Variants in FAM229B observed in about 807,000 individuals in gnomAD.
The protein encoded by FAM229B is protein FAM229B.
FAM229B carries 2 observed loss-of-function variants against 6.7 expected under a neutral mutation model. That is an observed-to-expected ratio of 0.30 (90% CI 0.12 to 0.94). The LOEUF is 0.94. Ranked by LOEUF, FAM229B falls within the 40% of genes least tolerant of loss-of-function variation. FAM229B has a pLI of 0.54. For missense variants in FAM229B, 93 were observed against 96.2 expected (o/e 0.97, Z 0.14); for synonymous variants, 29 against 34.0 (o/e 0.85, Z 0.51).
intron 1 of FAM229B, among the ~76,000 whole-genome samples, chr6:112,091,109 C>T (rs1255118698): frequency 6.6e-6 from 1 of 152,106 alleles, no homozygotes; most frequent in Non-Finnish European, 1.5e-5. Context: ...GAGTGTTTCT[C>T]TTTCTGTGGC....
chr6:112,089,121 T>C (rs1777222405), intron 1 of FAM229B, among the ~76,000 whole-genome samples: 1 of 152,156 alleles, frequency 6.6e-6, no homozygotes, highest in African/African-American at 2.4e-5. Flanking sequence ...AAGAGAAATG[T>C]TTTTGGTTGA....
intron 3 of FAM229B, among the ~76,000 whole-genome samples, chr6:112,100,013 A>G (rs587647483): frequency 6.6e-6 from 1 of 152,296 alleles, no homozygotes; most frequent in African/African-American, 2.4e-5. Flanking sequence ...AAATTTTGGG[A>G]ACACAGATTT....
chr6:112,092,441 T>C (rs1377497226), intron 1 of FAM229B, among the ~76,000 whole-genome samples: 1 of 152,042 alleles, frequency 6.6e-6, no homozygotes, highest in Non-Finnish European at 1.5e-5. Context: ...AAACTGCTAA[T>C]TGAGAATTCT....
In FAM229B at chr6:112,102,299, C is replaced by T. The variant is rs1554319372; in HGVS notation, c.*1512C>T. On this transcript the variant is annotated 3_prime_UTR_variant, in exon 4 of 4. Transcript: ENST00000368656. The stretch of plus-strand genomic sequence containing the variant: ...AGGCATTCGAAGCCAGCCTGGCCAA[C>T]ATGGTGAAACCCCGACTCTACTAAA... The T allele has an allele frequency of 1.3e-5, 2 of 152,054 alleles. No homozygotes were observed. The highest frequency in any genetic ancestry group is 4.8e-5 in the African/African-American group (2 of 41,372). 9.4% of individuals were successfully genotyped at this position (152,054 alleles called of 1,614,324 possible). A position where few individuals can be genotyped will look rare whatever the true frequency, so the allele number is the denominator to read the frequency against.
rs1326797876 is a variant in FAM229B, at chr6:112,100,968, A to T, written c.*181A>T. 8.9e-6 allele frequency: 5 copies of T among 564,870 alleles called. No homozygotes were observed. Among genetic ancestry groups the T allele is most frequent in the Non-Finnish European group, 9.5e-6 (3 of 316,520 alleles). The allele number at this position is 564,870 out of a possible 1,614,324, so 35.0% of individuals were successfully genotyped here. A position where few individuals can be genotyped will look rare whatever the true frequency, so the allele number is the denominator to read the frequency against. On this transcript the variant is annotated 3_prime_UTR_variant, in exon 4 of 4. Coordinates refer to ENST00000368656, the MANE Select transcript of FAM229B (RefSeq NM_001033564.3). ...AAAGCACATGTAGTGATAGGCTATC[A>T]GTTATGTCTGATACATAAGACAGAA...
chr6:112,088,165 C>A (rs1777204114), intron 1 of FAM229B, among the ~76,000 whole-genome samples: 1 of 152,026 alleles, frequency 6.6e-6, no homozygotes. Flanking sequence ...AATTGTGTGG[C>A]GTTGACTATA....
At chr6:112,093,924 T>A (rs1554318386) in intron 1 of FAM229B, among the ~76,000 whole-genome samples, 3 of 152,064 alleles carry the variant, frequency 2.0e-5, no homozygotes, top group Non-Finnish European at 4.4e-5. Flanking sequence ...AAAAGTAGAA[T>A]ATTCCTAAAT....
chr6:112,098,827 A>G (rs1777358324), intron 2 of FAM229B, among the ~76,000 whole-genome samples: 1 of 152,230 alleles, frequency 6.6e-6, no homozygotes, highest in African/African-American at 2.4e-5. Context: ...CAGTTATGTT[A>G]ACCATAGAGT....
chr6:112,101,352 T>C lies in FAM229B; in HGVS notation c.*565T>C, dbSNP rs1019687826. The C allele has an allele frequency of 2.0e-5, 3 of 152,222 alleles. No homozygotes were observed. Among genetic ancestry groups the C allele is most frequent in the African/African-American group, 7.2e-5 (3 of 41,458 alleles). 9.4% of individuals were successfully genotyped at this position (152,222 alleles called of 1,614,324 possible). ...TAATCTGCAAGGCATTTAAGCCACT[T>C]CCATAGAGGAGCCCAGATTGTTGGT... On this transcript the variant is annotated 3_prime_UTR_variant, in exon 4 of 4. Coordinates refer to ENST00000368656, the MANE Select transcript of FAM229B (RefSeq NM_001033564.3).
chr6:112,093,082 C>A (rs587641295), intron 1 of FAM229B, among the ~76,000 whole-genome samples: 1 of 151,862 alleles, frequency 6.6e-6, no homozygotes, highest in African/African-American at 2.4e-5. Context: ...TAAAAATACC[C>A]TAATTTCAAG....
At position 112,099,313 on chromosome 6, in the gene FAM229B, G is replaced by A. The variant is rs782740147; in HGVS notation, c.30G>A (p.Arg10=). The A allele has an allele frequency of 6.2e-7, 1 of 1,613,834 alleles. No homozygotes were observed. Among genetic ancestry groups the A allele is most frequent in the Non-Finnish European group, 8.5e-7 (1 of 1,179,776 alleles). The change falls in exon 3 of 4, where the codon AGG becomes AGA. Residue 10 remains arginine (R), a synonymous_variant. Coordinates refer to ENST00000368656, the MANE Select transcript of FAM229B (RefSeq NM_001033564.3). The part of the protein sequence containing the change: MPFQFGTQP[R]RFPVEGGDSS... ...CTTTTCAATTTGGAACCCAGCCAAG[G>A]AGGTTTCCAGTGGAAGGAGGAGATT...
intron 1 of FAM229B, among the ~76,000 whole-genome samples, chr6:112,088,140 G>A (rs1554317751): frequency 2.0e-5 from 3 of 152,128 alleles, no homozygotes; most frequent in Non-Finnish European, 4.4e-5. Context: ...AGACATACAC[G>A]CGAAATACTT....
In FAM229B at chr6:112,099,417, T is replaced by G. The variant is rs782326409; in HGVS notation, c.125+9T>G. On this transcript the variant is annotated intron_variant, in intron 3 of 3. Transcript: ENST00000368656. ...GAGATGTCACCAACCAGGTAAAGTCTTCTGTCCTCACAAGTGAGGAGATAT... is the reference window on the plus strand; with the variant it reads ...GAGATGTCACCAACCAGGTAAAGTCGTCTGTCCTCACAAGTGAGGAGATAT... 1 of 1,611,546 alleles carries G rather than the reference T, an allele frequency of 6.2e-7. No homozygotes were observed. Among genetic ancestry groups the G allele is most frequent in the Non-Finnish European group, 8.5e-7 (1 of 1,178,898 alleles).
chr6:112,097,248 C>T (rs1777338410), intron 2 of FAM229B, 47 bp downstream of exon 2: 1 of 152,174 alleles, frequency 6.6e-6, no homozygotes, highest in Non-Finnish European at 1.5e-5. Flanking sequence ...TTAATACCTG[C>T]ATAGATAGGT....
chr6:112,089,102 A>G (rs1554317907), intron 1 of FAM229B, among the ~76,000 whole-genome samples: 1 of 152,230 alleles, frequency 6.6e-6, no homozygotes, highest in Admixed American at 6.5e-5. Flanking sequence ...TATTCAGAAT[A>G]TTATAAGCAA....
At position 112,097,863 on chromosome 6, in the gene FAM229B, C is replaced by T. The variant is rs587724951; in HGVS notation, c.-15+662C>T. On this transcript the variant is annotated intron_variant, in intron 2 of 3. Coordinates refer to ENST00000368656, the MANE Select transcript of FAM229B (RefSeq NM_001033564.3). ...ATTAAGTATTCAGGGATGACAAAGACAGACTTGGAATGAGGGGGGATATTA... is the reference window on the plus strand; with the variant it reads ...ATTAAGTATTCAGGGATGACAAAGATAGACTTGGAATGAGGGGGGATATTA... Among the ~76,000 whole-genome samples the T allele has an allele frequency of 3.2e-4, 48 of 152,302 alleles. No homozygotes were observed. The South Asian group carries it at 8.7e-3, about 28-fold the overall frequency.
intron 1 of FAM229B, among the ~76,000 whole-genome samples, chr6:112,089,993 T>A (rs1272241084): frequency 6.6e-6 from 1 of 152,122 alleles, no homozygotes; most frequent in Non-Finnish European, 1.5e-5. Context: ...AAAGAGAGAA[T>A]TTTTTAGGTA....
chr6:112,093,921 GA>G (rs1407659283), intron 1 of FAM229B, among the ~76,000 whole-genome samples: 4 of 151,756 alleles, frequency 2.6e-5, no homozygotes, highest in African/African-American at 7.3e-5. Context: ...CAGAAAAGTA[GA>G]ATATTCCTAA....
rs1267756672 is a variant in FAM229B at position 112,087,681 on chromosome 6, T to C, written c.-215T>C. On this transcript the variant is annotated 5_prime_UTR_variant, in exon 1 of 4. Coordinates refer to ENST00000368656, the MANE Select transcript of FAM229B (RefSeq NM_001033564.3). ...ATATCCTAGCTGCCTTGTCAACATC[T>C]TCGAGCATCGGCAGCTCCGGAGGCC... 1.3e-5 allele frequency: 6 copies of C among 470,824 alleles called. No homozygotes were observed. The highest frequency in any genetic ancestry group is 3.8e-6 in the Non-Finnish European group (1 of 265,444). The allele number at this position is 470,824 out of a possible 1,614,324, so 29.2% of individuals were successfully genotyped here. A position where few individuals can be genotyped will look rare whatever the true frequency, so the allele number is the denominator to read the frequency against.
Sources: allele counts gnomAD v4.1 joint callset (sites outside exome capture counted in the v4.1 genomes callset), GRCh38; gene constraint gnomAD v4.1.1; transcripts MANE v1.5; gene names NCBI Gene and HGNC (gene_info 2026-07-23, HGNC 2026-07-21).